Variants in DAG1 observed in about 807,000 individuals in gnomAD.
DAG1 encodes the protein dystroglycan 1 (dystrophin-associated glycoprotein 1).
In DAG1, 8 loss-of-function variants were observed where a neutral mutation model predicts 46.1. The observed-to-expected ratio is 0.17, with a 90% confidence interval of 0.10 to 0.31. The LOEUF is 0.31. Among genes scored for constraint, DAG1 ranks in the 10% least tolerant of loss-of-function variants. The pLI, the probability that DAG1 is intolerant of heterozygous loss-of-function variation, is 1.00. For synonymous variants in DAG1, 495 were observed against 481.8 expected, an observed-to-expected ratio of 1.03 and a Z score of -0.36; for missense variants, 1,003 against 1,189.9, an observed-to-expected ratio of 0.84 and a Z score of 2.31.
In DAG1 at chr3:49,531,861, C is replaced by G. The variant is rs767240386; in HGVS notation, c.1350C>G (p.Thr450=). ...DSTTTTTRRP[T]KKPRTPRPVP... ...CCACCACCACGACTCGCAGGCCAAC[C>G]AAGAAACCACGGACACCCCGGCCAG... Residue 450 remains threonine (T), a synonymous_variant, in exon 3 of 3, where the codon ACC becomes ACG. Coordinates refer to ENST00000308775, the MANE Select transcript of DAG1 (RefSeq NM_004393.6). This position sits in a 1 kb window ranked among gnomAD's most constrained non-coding sequence, Gnocchi z 7.0. 1 of 1,614,084 alleles carries G rather than the reference C, an allele frequency of 6.2e-7. No individual in the cohort carries two copies. The highest frequency in any genetic ancestry group is 8.5e-7 in the Non-Finnish European group (1 of 1,180,018).
At chr3:49,518,978 C>T (rs984556503) in intron 2 of DAG1, among the ~76,000 whole-genome samples, 3 of 152,200 alleles carry the variant, frequency 2.0e-5, no homozygotes, top group Non-Finnish European at 2.9e-5. Context: ...CCTTGGCTCT[C>T]ACAGCTACTT....
intron 2 of DAG1, among the ~76,000 whole-genome samples, chr3:49,519,857 C>G (rs1280199100): frequency 6.6e-6 from 1 of 152,090 alleles, no homozygotes; most frequent in East Asian, 1.9e-4. Flanking sequence ...TGTTAAGCTG[C>G]CCTTTACTTT....
Position 49,531,518 on chromosome 3 carries a change from C to T in DAG1, c.1007C>T (p.Ser336Phe), listed in dbSNP as rs768191755. 6.2e-7 allele frequency: 1 copy of T among 1,611,940 alleles called. No individual in the cohort carries two copies. The highest frequency in any genetic ancestry group is 1.3e-5 in the African/African-American group (1 of 74,858). ...ACCACGGCTATCCAGGAGCCCCCAT[C>T]CAGGATCGTGCCAACCCCCACATCT... Reference protein sequence around the residue: ...PPTTAIQEPPSRIVPTPTSPA... With the variant: ...PPTTAIQEPPFRIVPTPTSPA... The change falls in exon 3 of 3, where the codon TCC becomes TTC. Residue 336 changes from serine to phenylalanine, a missense_variant. Transcript: ENST00000308775. This position sits in a 1 kb window ranked among gnomAD's most constrained non-coding sequence, Gnocchi z 7.0.
Position 49,510,470 on chromosome 3 carries a change from C to T in DAG1, c.-65C>T, listed in dbSNP as rs1188393794. ...GTGTGCAGAGGGTGAGAACCCAGCT[C>T]TGGGACCAAGTCACTTGCTTCCTTA... On this transcript the variant is annotated 5_prime_UTR_variant, in exon 2 of 3. Transcript: ENST00000308775. The T allele has an allele frequency of 8.4e-6, 13 of 1,552,484 alleles. No individual in the cohort carries two copies. Among genetic ancestry groups the T allele is most frequent in the South Asian group, 1.1e-5 (1 of 89,976 alleles).
rs766181935 is a variant in DAG1, at chr3:49,532,717, G to T, written c.2206G>T (p.Val736Leu). The change falls in exon 3 of 3, where the codon GTG (valine) becomes TTG (leucine). Residue 736 changes from valine to leucine, a missense_variant. Val to Leu is a conservative substitution (Grantham distance 32). This residue lies in a region of DAG1 where 755 missense variants were observed against 854.1 expected (regional missense o/e 0.88). Coordinates refer to ENST00000308775, the MANE Select transcript of DAG1 (RefSeq NM_004393.6). The surrounding 1 kb of genome is among the most constrained non-coding windows in gnomAD (Gnocchi z 5.4). ...GCCCTCAGAGGCGCCGCCCACAGAA[G>T]TGCCTGACAGGGACCCTGAGAAGAG... Reference protein sequence around the residue: ...RVPSEAPPTEVPDRDPEKSSE... With the variant: ...RVPSEAPPTELPDRDPEKSSE... 9 of 1,614,186 alleles carry T rather than the reference G, an allele frequency of 5.6e-6. No individual in the cohort carries two copies. In the South Asian group the frequency reaches 7.7e-5, roughly 14 times the overall value.
chr3:49,532,986 C>T lies in DAG1; in HGVS notation c.2475C>T (p.Pro825=), dbSNP rs2051406741. The change falls in exon 3 of 3, where the codon CCC becomes CCT. Residue 825 remains proline, a synonymous_variant. Transcript: ENST00000308775. The surrounding 1 kb of genome is among the most constrained non-coding windows in gnomAD (Gnocchi z 5.4). ...TCATTCTGCAGGAGGAGAAGGCTCCCCTACCCCCTCCTGAGTACCCCAACC... is the reference window on the plus strand; with the variant it reads ...TCATTCTGCAGGAGGAGAAGGCTCCTCTACCCCCTCCTGAGTACCCCAACC... ...MPLILQEEKA[P]LPPPEYPNQS... The T allele has an allele frequency of 1.2e-6, 2 of 1,614,120 alleles. No homozygotes were observed. Among genetic ancestry groups the T allele is most frequent in the African/African-American group, 1.3e-5 (1 of 75,030 alleles).
At chr3:49,527,683 A>G (rs975814922) in intron 2 of DAG1, among the ~76,000 whole-genome samples, 5 of 152,060 alleles carry the variant, frequency 3.3e-5, no homozygotes, top group African/African-American at 1.2e-4. Context: ...AGCCTGGGTG[A>G]TAGAGTGAGA....
rs1472256837 is a variant in DAG1, at chr3:49,534,227, G to A, written c.*1028G>A. ...CCTAAAAGGAATATCACGGTTTTTT[G>A]AAACACTCAGTGGGGGACATTTTGG... On this transcript the variant is annotated 3_prime_UTR_variant, in exon 3 of 3. Transcript: ENST00000308775. The A allele has an allele frequency of 6.6e-6, 1 of 151,298 alleles. No homozygotes were observed. Among genetic ancestry groups the A allele is most frequent in the South Asian group, 2.1e-4 (1 of 4,754 alleles). 9.4% of individuals were successfully genotyped at this position (151,298 alleles called of 1,614,324 possible).
chr3:49,475,045 C>T lies in DAG1; in HGVS notation c.-117+4612C>T, dbSNP rs1205781509. Among the ~76,000 whole-genome samples, 5 of 151,942 alleles carry T rather than the reference C, an allele frequency of 3.3e-5. No homozygotes were observed. The East Asian group carries it at 9.7e-4, about 29-fold the overall frequency. ...ACCAGGATGGTCTCGATCTACTGAC[C>T]TCTTGATCTGCCTGCCTCGGCCTCC... is the stretch of plus-strand genomic sequence containing the variant. On this transcript the variant is annotated intron_variant, in intron 1 of 2. Transcript: ENST00000308775.
chr3:49,499,656 G>C (rs1460006383), intron 1 of DAG1, among the ~76,000 whole-genome samples: 1 of 152,132 alleles, frequency 6.6e-6, no homozygotes, highest in Non-Finnish European at 1.5e-5. Context: ...GACAGAATGG[G>C]GTCATAAGGG....
chr3:49,480,767 T>G (rs1014394075), intron 1 of DAG1, among the ~76,000 whole-genome samples: 4 of 128,506 alleles, frequency 3.1e-5, no homozygotes, highest in Admixed American at 2.3e-4. Context: ...GTTTTTTTTT[T>G]TTTTTTTTTT....
At chr3:49,524,857 G>A (rs1332794086) in intron 2 of DAG1, among the ~76,000 whole-genome samples, 1 of 151,982 alleles carries the variant, frequency 6.6e-6, no homozygotes, top group African/African-American at 2.4e-5. Context: ...ACGTGCCTAT[G>A]TCCCAGCTAC....
At chr3:49,493,909 C>G (rs902065598) in intron 1 of DAG1, among the ~76,000 whole-genome samples, 1 of 152,268 alleles carries the variant, frequency 6.6e-6, no homozygotes, top group African/African-American at 2.4e-5. Flanking sequence ...GCAGGGATTG[C>G]GAGAATGGAA....
intron 2 of DAG1, among the ~76,000 whole-genome samples, chr3:49,524,983 A>C (rs1275378681): frequency 7.2e-5 from 11 of 151,992 alleles, no homozygotes; most frequent in Admixed American, 7.2e-4. Context: ...ATATATACAT[A>C]TACATATATG....
Position 49,531,102 on chromosome 3 carries a change from C to G in DAG1, c.591C>G (p.Ala197=), listed in dbSNP as rs768487898. The G allele has an allele frequency of 1.2e-6, 2 of 1,614,126 alleles. No individual in the cohort carries two copies. The highest frequency in any genetic ancestry group is 2.2e-5 in the South Asian group (2 of 91,078). The change falls in exon 3 of 3, where the codon GCC becomes GCG. Residue 197 remains alanine (A), a synonymous_variant. Coordinates refer to ENST00000308775, the MANE Select transcript of DAG1 (RefSeq NM_004393.6). The surrounding 1 kb of genome is among the most constrained non-coding windows in gnomAD (Gnocchi z 7.0). ...PVTVLTVILD[A]DLTKMTPKQR... ...CTGTTTTGACGGTGATTTTGGATGC[C>G]GACCTCACCAAGATGACCCCAAAGC...
intron 1 of DAG1, among the ~76,000 whole-genome samples, chr3:49,494,397 A>G (rs1412897621): frequency 6.6e-6 from 1 of 152,068 alleles, no homozygotes; most frequent in Non-Finnish European, 1.5e-5. Context: ...CTTCCCTGAC[A>G]TTTCGCCTCA....
At position 49,532,620 on chromosome 3, in the gene DAG1, A is replaced by G. The variant is rs1419951577; in HGVS notation, c.2109A>G (p.Thr703=). ...SNALEPDFKA[T]SITVTGSGSC... is the part of the protein sequence containing the mutation. ...CCCTAGAGCCTGACTTTAAGGCCAC[A>G]AGCATCACTGTGACGGGCTCTGGCA... Residue 703 remains threonine (T), a synonymous_variant, in exon 3 of 3, where the codon ACA becomes ACG. Coordinates refer to ENST00000308775, the MANE Select transcript of DAG1 (RefSeq NM_004393.6). The surrounding 1 kb of genome is among the most constrained non-coding windows in gnomAD (Gnocchi z 5.4). 1 of 1,613,348 alleles carries G rather than the reference A, an allele frequency of 6.2e-7. No individual in the cohort carries two copies. The highest frequency in any genetic ancestry group is 8.5e-7 in the Non-Finnish European group (1 of 1,179,436).
chr3:49,497,414 G>A (rs2050342796), intron 1 of DAG1, among the ~76,000 whole-genome samples: 1 of 145,144 alleles, frequency 6.9e-6, no homozygotes, highest in African/African-American at 2.6e-5. Flanking sequence ...TCCAGCCTGG[G>A]TGACAGAGCA....
rs1187034981 is a variant in DAG1, at chr3:49,535,500, A to G, written c.*2301A>G. 1 of 152,690 alleles carries G rather than the reference A, an allele frequency of 6.5e-6. No individual in the cohort carries two copies. The highest frequency in any genetic ancestry group is 1.5e-5 in the Non-Finnish European group (1 of 68,042). The allele number at this position is 152,690 out of a possible 1,614,324, so 9.5% of individuals were successfully genotyped here. A position where few individuals can be genotyped will look rare whatever the true frequency, so the allele number is the denominator to read the frequency against. Reference sequence around the variant, plus strand: ...GAGATGGAGAGCCAATCTCACATTCAAGTGTTCACCAACCACTGATGTGTT... The same window carrying G: ...GAGATGGAGAGCCAATCTCACATTCGAGTGTTCACCAACCACTGATGTGTT... On this transcript the variant is annotated 3_prime_UTR_variant, in exon 3 of 3. Transcript: ENST00000308775.
Sources: gnomAD v4.1 joint callset for allele counts (sites outside exome capture counted in the v4.1 genomes callset) on GRCh38, gnomAD v4.1.1 for gene constraint, gnomAD v4.1.1 regional missense constraint, Gnocchi (gnomAD v3.1) non-coding constraint, MANE v1.5 for transcripts, NCBI Gene and HGNC (gene_info 2026-07-23, HGNC 2026-07-21) for gene names.